Variants in PDE6D observed in about 807,000 individuals in gnomAD.
PDE6D encodes the protein retinal rod rhodopsin-sensitive cGMP 3',5'-cyclic phosphodiesterase subunit delta.
Under a neutral mutation model 21.9 loss-of-function variants are expected in PDE6D, and 10 were observed. That is an observed-to-expected ratio of 0.46 (90% confidence interval 0.28 to 0.78). PDE6D has a LOEUF of 0.78. PDE6D is among the 30% of genes least tolerant of loss of function. The pLI is 0.12. For missense variants in PDE6D, 139 were observed against 184.8 expected (o/e 0.75, Z 1.44); for synonymous variants, 59 against 63.5 (o/e 0.93, Z 0.34).
At chr2:231,771,335 G>A (rs1185837774) in intron 1 of PDE6D, among the ~76,000 whole-genome samples, 3 of 152,098 alleles carry the variant, frequency 2.0e-5, no homozygotes, top group Non-Finnish European at 4.4e-5. Context: ...CTCCAGAGAG[G>A]CATCATGGTA....
At chr2:231,767,817 A>G (rs989823916) in intron 1 of PDE6D, among the ~76,000 whole-genome samples, 2 of 151,096 alleles carry the variant, frequency 1.3e-5, no homozygotes, top group Non-Finnish European at 2.9e-5. Context: ...TTGAAAGATT[A>G]TACTTTGTTT....
chr2:231,755,039 G>A (rs556001794), intron 1 of PDE6D, among the ~76,000 whole-genome samples: 2 of 152,260 alleles, frequency 1.3e-5, no homozygotes, highest in East Asian at 3.9e-4. Flanking sequence ...AATGGGATCA[G>A]TGACCTACAA....
chr2:231,758,091 G>GT (rs573434784), intron 1 of PDE6D, among the ~76,000 whole-genome samples: 1 of 151,980 alleles, frequency 6.6e-6, no homozygotes, highest in South Asian at 2.1e-4. Context: ...AATTGTAAAA[G>GT]TTTTTTTTAG....
intron 1 of PDE6D, among the ~76,000 whole-genome samples, chr2:231,740,705 G>A (rs1315820797): frequency 6.9e-6 from 1 of 145,512 alleles, no homozygotes; most frequent in Admixed American, 6.8e-5. Context: ...AAAAAAAAAG[G>A]AGAGTAAAGG....
chr2:231,737,152 C>G (rs1376500275), intron 4 of PDE6D, 35 bp downstream of exon 4: 1 of 1,274,044 alleles, frequency 7.8e-7, no homozygotes, highest in East Asian at 2.3e-5. Context: ...TGTTTCTAGA[C>G]ACACTTCATA....
At chr2:231,741,075 C>T (rs2048745170) in intron 1 of PDE6D, among the ~76,000 whole-genome samples, 1 of 136,402 alleles carries the variant, frequency 7.3e-6, no homozygotes, top group African/African-American at 2.7e-5. Flanking sequence ...GAGATTGCGC[C>T]ATTGCACTCC....
Position 231,759,436 on chromosome 2 carries a change from T to C in PDE6D, c.51-20248A>G, listed in dbSNP as rs997484835. ...CATTTTTCAGGGGGAAAAACAGCCA[T>C]TGGAGCTTATTATTCGTGTGTACAA... is the stretch of plus-strand genomic sequence containing the variant. On this transcript the variant is annotated intron_variant, in intron 1 of 4. Transcript: ENST00000287600. Among the ~76,000 whole-genome samples, 6 of 152,046 alleles carry C rather than the reference T, an allele frequency of 3.9e-5. No homozygotes were observed. In the South Asian group the frequency reaches 1.2e-3, roughly 31 times the overall value.
chr2:231,755,702 A>G (rs1447490202), intron 1 of PDE6D, among the ~76,000 whole-genome samples: 3 of 152,060 alleles, frequency 2.0e-5, no homozygotes, highest in African/African-American at 7.2e-5. Context: ...GGGCGGATCA[A>G]CTGAGGTCAG....
At chr2:231,748,582 A>G (rs556113803) in intron 1 of PDE6D, among the ~76,000 whole-genome samples, 6 of 152,262 alleles carry the variant, frequency 3.9e-5, no homozygotes, top group Non-Finnish European at 7.3e-5. Flanking sequence ...AGAAATTTGC[A>G]TAAGTAGCAA....
At chr2:231,769,810 T>C (rs1018094692) in intron 1 of PDE6D, among the ~76,000 whole-genome samples, 1 of 152,208 alleles carries the variant, frequency 6.6e-6, no homozygotes, top group African/African-American at 2.4e-5. Context: ...GTCTGTTAGA[T>C]TCTTATCTCA....
At chr2:231,757,569 G>A (rs2048892884) in intron 1 of PDE6D, among the ~76,000 whole-genome samples, 1 of 152,228 alleles carries the variant, frequency 6.6e-6, no homozygotes, top group African/African-American at 2.4e-5. Flanking sequence ...TGGGGTTACA[G>A]GCGGGAGCCA....
chr2:231,762,155 T>G (rs767868217), intron 1 of PDE6D, among the ~76,000 whole-genome samples: 4 of 152,162 alleles, frequency 2.6e-5, no homozygotes, highest in Non-Finnish European at 5.9e-5. Context: ...AAAATTCCAT[T>G]TATGATAACA....
intron 1 of PDE6D, among the ~76,000 whole-genome samples, chr2:231,741,138 AG>A (rs2048746263): frequency 7.2e-6 from 1 of 137,942 alleles, no homozygotes; most frequent in Non-Finnish European, 1.5e-5. Context: ...AAAAAAAAAA[AG>A]GGTGTAGCAA....
intron 1 of PDE6D, among the ~76,000 whole-genome samples, chr2:231,768,187 T>C (rs962904763): frequency 5.9e-5 from 9 of 152,128 alleles, no homozygotes; most frequent in Non-Finnish European, 1.3e-4. Flanking sequence ...CTATAAGGTA[T>C]CATGGGACTC....
chr2:231,754,259 A>C (rs2048865501), intron 1 of PDE6D, among the ~76,000 whole-genome samples: 2 of 152,194 alleles, frequency 1.3e-5, no homozygotes, highest in South Asian at 4.1e-4. Flanking sequence ...TACCAACTGC[A>C]GAGTAAAGCC....
At chr2:231,743,299 C>T (rs1410655033) in intron 1 of PDE6D, among the ~76,000 whole-genome samples, 1 of 151,882 alleles carries the variant, frequency 6.6e-6, no homozygotes, top group East Asian at 1.9e-4. Context: ...TGGTGTGCGC[C>T]TGTAGTCCCA....
chr2:231,749,800 C>G (rs1304157782), intron 1 of PDE6D, among the ~76,000 whole-genome samples: 1 of 152,102 alleles, frequency 6.6e-6, no homozygotes, highest in Non-Finnish European at 1.5e-5. Context: ...TCTCAAAGTG[C>G]TGGGATTACA....
In PDE6D at chr2:231,732,855, G is replaced by GT. The variant is rs878867435; in HGVS notation, c.*96dup. On this transcript the variant is annotated 3_prime_UTR_variant, in exon 5 of 5. Coordinates refer to ENST00000287600, the MANE Select transcript of PDE6D (RefSeq NM_002601.4). The stretch of plus-strand genomic sequence containing the variant: ...TTCTGCTGTTGAGGGAATTAGGGGT[G>GT]TATGTGTCAAAAATCAAACGTGTGG... 215 of 790,392 alleles carry GT rather than the reference G, an allele frequency of 2.7e-4. 5 individuals carry two copies. In the South Asian group the frequency reaches 3.2e-3, roughly 12 times the overall value. The allele number at this position is 790,392 out of a possible 1,614,324, so 49.0% of individuals were successfully genotyped here.
intron 1 of PDE6D, among the ~76,000 whole-genome samples, chr2:231,762,618 TA>T (rs2048940083): frequency 6.6e-6 from 1 of 152,172 alleles, no homozygotes. Context: ...GTGCTGGGAT[TA>T]CAGGTGTGAG....
Sources: gnomAD v4.1 joint callset for allele counts (sites outside exome capture counted in the v4.1 genomes callset) on GRCh38, gnomAD v4.1.1 for gene constraint, MANE v1.5 for transcripts, NCBI Gene and HGNC (gene_info 2026-07-23, HGNC 2026-07-21) for gene names.